Variants in UPB1 observed in about 807,000 individuals in gnomAD.
UPB1 encodes the protein beta-ureidopropionase.
Under a neutral mutation model 49.1 loss-of-function variants are expected in UPB1, and 40 were observed. That is an observed-to-expected ratio of 0.81 (90% CI 0.63 to 1.06). The LOEUF (loss-of-function observed/expected upper bound fraction) is 1.06. UPB1 is among the 50% of genes least tolerant of loss of function. UPB1 has a pLI of 0.00. For missense variants in UPB1, 499 were observed against 505.9 expected (o/e 0.99, Z 0.13); for synonymous variants, 207 against 198.2 (o/e 1.04, Z -0.38).
chr22:24,507,892 T>C lies in UPB1; in HGVS notation c.365-2857T>C, dbSNP rs145853192. 5.5e-3 allele frequency among the ~76,000 whole-genome samples: 839 copies of C among 152,166 alleles called. 2 individuals are homozygous for C. Among genetic ancestry groups the C allele is most frequent in the Non-Finnish European group, 9.0e-3 (612 of 67,992 alleles). On this transcript the variant is annotated intron_variant, in intron 3 of 9. Transcript: ENST00000326010. ...AGATTTTTTGCGGGCTACTTGAATG[T>C]CACACCTGGTCAAACCAATCCCCTG...
chr22:24,507,666 G>T (rs886481523), intron 3 of UPB1, among the ~76,000 whole-genome samples: 1 of 152,088 alleles, frequency 6.6e-6, no homozygotes, highest in African/African-American at 2.4e-5. Context: ...CCGAAAAGGC[G>T]GCTTAAAGAG....
Position 24,527,837 on chromosome 22 carries a change from CAGTG to C in UPB1, c.*2046_*2049del, listed in dbSNP as rs2044493824. ...AAAAAAAATTCCAGTCCTACAGACA[CAGTG>C]AGCTTTTTTGCCTGTTCCTTTAGCT... On this transcript the variant is annotated 3_prime_UTR_variant, in exon 10 of 10. Coordinates refer to ENST00000326010, the MANE Select transcript of UPB1 (RefSeq NM_016327.3). 1 of 151,850 alleles carries C rather than the reference CAGTG, an allele frequency of 6.6e-6. No individual in the cohort carries two copies. The highest frequency in any genetic ancestry group is 2.4e-5 in the African/African-American group (1 of 41,268). The allele number at this position is 151,850 out of a possible 1,614,324, so 9.4% of individuals were successfully genotyped here.
chr22:24,522,010 T>C lies in UPB1; in HGVS notation c.898T>C (p.Ser300Pro), dbSNP rs1197123839. The C allele has an allele frequency of 1.2e-6, 2 of 1,614,144 alleles. No homozygotes were observed. The highest frequency in any genetic ancestry group is 1.3e-5 in the African/African-American group (1 of 75,060). Reference protein sequence around the residue: ...GTEHFPNEFTSGDGKKAHQDF... With the variant: ...GTEHFPNEFTPGDGKKAHQDF... ...GGAGCACTTCCCGAACGAGTTTACCTCGGGAGATGGAAAGAAAGGTATGTC... is the reference window on the plus strand; with the variant it reads ...GGAGCACTTCCCGAACGAGTTTACCCCGGGAGATGGAAAGAAAGGTATGTC... Residue 300 changes from serine (S) to proline (P), a missense_variant, in exon 8 of 10, where the codon TCG becomes CCG. Transcript: ENST00000326010.
At chr22:24,516,545 G>GGT (rs2044296537) in intron 6 of UPB1, 1 of 152,282 alleles carries the variant, frequency 6.6e-6, no homozygotes, top group Admixed American at 6.5e-5. Flanking sequence ...TGCAGCAGGA[G>GGT]GTGCTGGCTT....
Position 24,513,397 on chromosome 22 carries a change from GGA to G in UPB1, c.534_535del (p.Trp178Ter), listed in dbSNP as rs1480047724. 1 of 1,614,096 alleles carries G rather than the reference GGA, an allele frequency of 6.2e-7. No individual in the cohort carries two copies. The highest frequency in any genetic ancestry group is 8.5e-7 in the Non-Finnish European group (1 of 1,180,054). ...GACAGCGAGCATGGGGATGTTTTGT[GGA>G]ATACAGCCGTGGTGATCTCCAATTC... On this transcript the variant is annotated stop_gained and frameshift_variant, in exon 5 of 10. Transcript: ENST00000326010. LOFTEE classifies it high-confidence loss of function.
At chr22:24,502,556 T>A (rs1418640084) in intron 3 of UPB1, 2 of 777,720 alleles carry the variant, frequency 2.6e-6, no homozygotes, top group Non-Finnish European at 2.4e-6. Context: ...TACCTTCAGA[T>A]CTCAGCCCAG....
chr22:24,501,191 A>G (rs927855392), intron 2 of UPB1, among the ~76,000 whole-genome samples: 2 of 152,166 alleles, frequency 1.3e-5, no homozygotes, highest in African/African-American at 4.8e-5. Context: ...CACCAAGCAA[A>G]TGTGTGTTTG....
intron 3 of UPB1, among the ~76,000 whole-genome samples, chr22:24,505,208 T>C (rs1441672814): frequency 6.6e-6 from 1 of 152,238 alleles, no homozygotes; most frequent in Non-Finnish European, 1.5e-5. Flanking sequence ...GGTTGCGATA[T>C]CTTCTCTTAC....
chr22:24,497,838 G>C (rs1028483292), intron 1 of UPB1, among the ~76,000 whole-genome samples: 3 of 152,164 alleles, frequency 2.0e-5, no homozygotes, highest in Non-Finnish European at 4.4e-5. Context: ...AAGGGTCTGT[G>C]TGTCTGTTTC....
intron 3 of UPB1, among the ~76,000 whole-genome samples, chr22:24,507,113 A>T (rs1259606273): frequency 6.6e-6 from 1 of 152,236 alleles, no homozygotes; most frequent in Non-Finnish European, 1.5e-5. Flanking sequence ...TTCTTTTGAA[A>T]GTGTGTTTAC....
chr22:24,512,655 C>G (rs2044226521), intron 4 of UPB1, among the ~76,000 whole-genome samples: 1 of 152,146 alleles, frequency 6.6e-6, no homozygotes. Context: ...TCTTGCAAAT[C>G]TGACTCTGTC....
intron 3 of UPB1, 37 bp downstream of exon 3, chr22:24,502,250 A>G (rs1174755519): frequency 1.3e-6 from 2 of 1,592,982 alleles, no homozygotes; most frequent in South Asian, 2.2e-5. Flanking sequence ...TGCTGCCTTC[A>G]AACAATTGTG....
chr22:24,512,543 G>T (rs990574772), intron 4 of UPB1, among the ~76,000 whole-genome samples: 1 of 151,958 alleles, frequency 6.6e-6, no homozygotes, highest in Non-Finnish European at 1.5e-5. Flanking sequence ...TTTTTCAAGT[G>T]GTAAAATATA....
chr22:24,497,552 G>T (rs999786304), intron 1 of UPB1, among the ~76,000 whole-genome samples: 3 of 152,178 alleles, frequency 2.0e-5, no homozygotes, highest in African/African-American at 7.2e-5. Flanking sequence ...GCATGGTGGG[G>T]CTAGGATGGG....
chr22:24,521,887 T>C (rs1311934806), intron 7 of UPB1, 99 bp from the exon 8 acceptor site: 1 of 1,299,112 alleles, frequency 7.7e-7, no homozygotes, highest in African/African-American at 1.5e-5. Flanking sequence ...CTGACTCGCC[T>C]CTCGGCCTGA....
chr22:24,495,465 A>T lies in UPB1; in HGVS notation c.62A>T (p.Asp21Val), dbSNP rs148926761. The part of the protein sequence containing the change: ...ECLEKHLPLP[D>V]LQEVKRVLYG... ...TTGGAGAAGCACCTGCCGCTCCCCG[A>T]CTTGCAGGAAGTGAAGCGCGTTCTC... is the stretch of plus-strand genomic sequence containing the variant. Residue 21 changes from aspartate to valine, a missense_variant, in exon 1 of 10, where the codon GAC (aspartate) becomes GTC (valine). Coordinates refer to ENST00000326010, the MANE Select transcript of UPB1 (RefSeq NM_016327.3). 123 of 1,613,956 alleles carry T rather than the reference A, an allele frequency of 7.6e-5. No homozygotes were observed. In the African/African-American group the frequency reaches 1.5e-3, roughly 20 times the overall value.
chr22:24,508,847 C>T (rs888151672), intron 3 of UPB1, among the ~76,000 whole-genome samples: 3 of 152,204 alleles, frequency 2.0e-5, no homozygotes, highest in Non-Finnish European at 4.4e-5. Context: ...TGCCATTGCA[C>T]TCCAGCCTGG....
intron 7 of UPB1, among the ~76,000 whole-genome samples, chr22:24,521,425 C>T (rs6004174): frequency 6.6e-6 from 1 of 151,730 alleles, no homozygotes; most frequent in South Asian, 2.1e-4. Flanking sequence ...GGAAGAGCCG[C>T]GGTCGCATCA....
Position 24,502,152 on chromosome 22 carries a change from G to T in UPB1, c.303G>T (p.Lys101Asn), listed in dbSNP as rs779859166. 2 of 1,614,068 alleles carry T rather than the reference G, an allele frequency of 1.2e-6. No homozygotes were observed. The highest frequency in any genetic ancestry group is 1.7e-6 in the Non-Finnish European group (2 of 1,180,038). The change falls in exon 3 of 10, where the codon AAG (lysine) becomes AAT (asparagine). Residue 101 changes from lysine to asparagine, a missense_variant. Physicochemically the swap from Lys to Asn is moderately conservative, Grantham distance 94. Transcript: ENST00000326010. Reference protein sequence around the residue: ...EQVSALHRRIKAIVEVAAMCG... With the variant: ...EQVSALHRRINAIVEVAAMCG... ...TCTCTGCCCTTCATAGACGCATAAAGGCTATCGTAGAGGTGGCTGCAATGT... is the reference window on the plus strand; with the variant it reads ...TCTCTGCCCTTCATAGACGCATAAATGCTATCGTAGAGGTGGCTGCAATGT...
Sources: allele counts gnomAD v4.1 joint callset (sites outside exome capture counted in the v4.1 genomes callset), GRCh38; gene constraint gnomAD v4.1.1; transcripts MANE v1.5; gene names NCBI Gene and HGNC (gene_info 2026-07-23, HGNC 2026-07-21).